INTS9: variants seen among roughly 807,000 people sequenced by gnomAD.
INTS9 encodes protein related to CPSF subunits of 74 kDa.
INTS9 carries 55 observed loss-of-function variants against 79.7 expected under a neutral mutation model. The observed-to-expected ratio is 0.69, with a 90% CI of 0.56 to 0.86. INTS9 has a LOEUF of 0.86. Among genes scored for constraint, INTS9 ranks in the 40% least tolerant of loss-of-function variants. INTS9 has a pLI of 0.00. For synonymous variants in INTS9, 319 were observed against 325.2 expected, an observed-to-expected ratio of 0.98 and a Z score of 0.20; for missense variants, 721 against 831.5, an observed-to-expected ratio of 0.87 and a Z score of 1.64.
intron 12 of INTS9, among the ~76,000 whole-genome samples, chr8:28,779,908 C>T (rs1026987773): frequency 6.6e-6 from 1 of 152,156 alleles, no homozygotes; most frequent in Non-Finnish European, 1.5e-5. Flanking sequence ...GCTTTCCCAA[C>T]AGCCGCCATG....
rs747123765 is a variant in INTS9 at position 28,780,808 on chromosome 8, A to AT, written c.1270+14dup. On this transcript the variant is annotated intron_variant, in intron 12 of 16. Transcript: ENST00000521022. ...GTGGAGAGAACCAATTTGTTTCTTT[A>AT]TTTTTTTCACTTACCCGTGAATATG... is the stretch of plus-strand genomic sequence containing the variant. 28 of 1,611,804 alleles carry AT rather than the reference A, an allele frequency of 1.7e-5. No homozygotes were observed. The East Asian group carries it at 2.5e-4, about 14-fold the overall frequency.
At chr8:28,838,481 A>T (rs1806957072) in intron 4 of INTS9, among the ~76,000 whole-genome samples, 3 of 152,122 alleles carry the variant, frequency 2.0e-5, no homozygotes, top group Admixed American at 1.3e-4. Flanking sequence ...AAAACTCCTA[A>T]AATTTTTCCA....
chr8:28,770,094 C>T, intron 15 of INTS9, 68 bp from the exon 16 acceptor site: 2 of 1,560,454 alleles, frequency 1.3e-6, no homozygotes, highest in Non-Finnish European at 1.7e-6. Context: ...GCAGGCCACA[C>T]TGAGAGCCTG....
intron 1 of INTS9, among the ~76,000 whole-genome samples, chr8:28,881,329 C>T (rs1403238750): frequency 2.2e-5 from 3 of 138,428 alleles, no homozygotes; most frequent in African/African-American, 8.3e-5. Context: ...CCTGGCCAGC[C>T]GCCCCGTCCG....
intron 11 of INTS9, among the ~76,000 whole-genome samples, chr8:28,782,566 C>T (rs1012627630): frequency 1.4e-4 from 22 of 152,160 alleles, no homozygotes; most frequent in South Asian, 6.2e-4. Context: ...CACACATGCA[C>T]GACAAAGATC....
intron 1 of INTS9, among the ~76,000 whole-genome samples, chr8:28,880,560 G>T (rs1809674815): frequency 6.6e-6 from 1 of 151,652 alleles, no homozygotes; most frequent in Non-Finnish European, 1.5e-5. Flanking sequence ...TTCACTCAGT[G>T]CTCAATGGTG....
intron 8 of INTS9, among the ~76,000 whole-genome samples, chr8:28,808,960 T>G (rs1353427623): frequency 6.6e-6 from 1 of 152,004 alleles, no homozygotes; most frequent in African/African-American, 2.4e-5. Flanking sequence ...AACTTTTTTT[T>G]TTTTTTTGAG....
Position 28,775,812 on chromosome 8 carries a change from C to G in INTS9, c.1510G>C (p.Val504Leu). 1 of 1,613,094 alleles carries G rather than the reference C, an allele frequency of 6.2e-7. No homozygotes were observed. The highest frequency in any genetic ancestry group is 8.5e-7 in the Non-Finnish European group (1 of 1,179,448). ...PPAMSYRRAEVLALPFKRRYE... is the reference protein window; with the variant it reads ...PPAMSYRRAELLALPFKRRYE... Reference sequence around the variant, plus strand: ...CGACGTTTGAAGGGCAGGGCGAGAACCTCAGCCCGCCGATAGGACATGGCG... The same window carrying G: ...CGACGTTTGAAGGGCAGGGCGAGAAGCTCAGCCCGCCGATAGGACATGGCG... The change falls in exon 14 of 17, where the codon GTT (valine) becomes CTT (leucine). Residue 504 changes from valine (V) to leucine (L), a missense_variant. Physicochemically the swap from Val to Leu is conservative, Grantham distance 32. Coordinates refer to ENST00000521022, the MANE Select transcript of INTS9 (RefSeq NM_018250.4).
At chr8:28,776,058 C>G in intron 13 of INTS9, 132 bp from the exon 14 acceptor site, 1 of 671,182 alleles carries the variant, frequency 1.5e-6, no homozygotes, top group Non-Finnish European at 2.4e-6. Context: ...GAACTTTCAT[C>G]CTCTCAAGCC....
In INTS9 at chr8:28,837,628, C is replaced by T. The variant is rs770706087; in HGVS notation, c.401+9G>A. ...CACATCCTAGCAGGGTCAGAATCAA[C>T]CCTCTCACCTGCCGATCTGGACGGT... On this transcript the variant is annotated intron_variant, in intron 5 of 16. Coordinates refer to ENST00000521022, the MANE Select transcript of INTS9 (RefSeq NM_018250.4). The T allele has an allele frequency of 6.2e-7, 1 of 1,611,686 alleles. No individual in the cohort carries two copies.
chr8:28,796,182 C>T (rs893202155), intron 9 of INTS9, among the ~76,000 whole-genome samples: 6 of 152,054 alleles, frequency 3.9e-5, no homozygotes, highest in Admixed American at 6.6e-5. Context: ...TGTTGGCACA[C>T]GCCTGTAGTC....
At chr8:28,809,271 T>G (rs930689091) in intron 8 of INTS9, among the ~76,000 whole-genome samples, 1 of 152,172 alleles carries the variant, frequency 6.6e-6, no homozygotes, top group African/African-American at 2.4e-5. Flanking sequence ...CGGTGTATAT[T>G]CAGCCATAAA....
chr8:28,836,465 A>G (rs1157358103), intron 5 of INTS9, among the ~76,000 whole-genome samples: 1 of 152,236 alleles, frequency 6.6e-6, no homozygotes, highest in Non-Finnish European at 1.5e-5. Context: ...CCTCCAAGTT[A>G]ACATATACAT....
intron 6 of INTS9, among the ~76,000 whole-genome samples, chr8:28,822,347 G>A (rs1452424547): frequency 6.6e-6 from 1 of 152,012 alleles, no homozygotes; most frequent in African/African-American, 2.4e-5. Context: ...TTTCTAAATT[G>A]GGAATTGGCA....
intron 1 of INTS9, among the ~76,000 whole-genome samples, chr8:28,864,997 A>C (rs937120792): frequency 2.6e-5 from 4 of 152,196 alleles, no homozygotes; most frequent in Middle Eastern, 3.4e-3. Flanking sequence ...AAAAAAAAAA[A>C]AAAACAAAGT....
At position 28,787,840 on chromosome 8, in the gene INTS9, G is replaced by T. The variant is rs1372730528; in HGVS notation, c.1087C>A (p.Pro363Thr). 6.2e-7 allele frequency: 1 copy of T among 1,608,140 alleles called. No homozygotes were observed. The highest frequency in any genetic ancestry group is 8.5e-7 in the Non-Finnish European group (1 of 1,175,300). ...TTTTGTTTTCTTACCTCTGCATGAGGAAAAGGTGGTTCTGGAAGATACACC... is the reference window on the plus strand; with the variant it reads ...TTTTGTTTTCTTACCTCTGCATGAGTAAAAGGTGGTTCTGGAAGATACACC... ...SKVYLPEPPF[P>T]HAELIQTNKL... Residue 363 changes from proline (P) to threonine (T), a missense_variant, in exon 11 of 17, where the codon CCT (proline) becomes ACT (threonine). Transcript: ENST00000521022.
Position 28,871,849 on chromosome 8 carries a change from T to C in INTS9, c.10-12286A>G, listed in dbSNP as rs534960410. On this transcript the variant is annotated intron_variant, in intron 1 of 16. Coordinates refer to ENST00000521022, the MANE Select transcript of INTS9 (RefSeq NM_018250.4). Reference sequence around the variant, plus strand: ...AGATTATCTGGGAAAATAATATTTATAAAACCAAGACAAAAAATTGATATC... The same window carrying C: ...AGATTATCTGGGAAAATAATATTTACAAAACCAAGACAAAAAATTGATATC... Among the ~76,000 whole-genome samples, 869 of 152,260 alleles carry C rather than the reference T, an allele frequency of 5.7e-3. 4 individuals carry two copies. The highest frequency in any genetic ancestry group is 0.02 in the African/African-American group (844 of 41,524).
chr8:28,847,540 G>A (rs563502398), intron 3 of INTS9, among the ~76,000 whole-genome samples: 4 of 150,942 alleles, frequency 2.7e-5, no homozygotes, highest in Non-Finnish European at 4.4e-5. Flanking sequence ...CTGCCACCAC[G>A]AATGTAATGT....
At chr8:28,811,239 C>T (rs1187879639) in intron 8 of INTS9, among the ~76,000 whole-genome samples, 5 of 151,906 alleles carry the variant, frequency 3.3e-5, no homozygotes, top group South Asian at 4.2e-4. Context: ...GTGATTCTCC[C>T]GCCTCAGCCT....
Sources: allele counts gnomAD v4.1 joint callset (sites outside exome capture counted in the v4.1 genomes callset), GRCh38; gene constraint gnomAD v4.1.1; transcripts MANE v1.5; gene names NCBI Gene and HGNC (gene_info 2026-07-23, HGNC 2026-07-21).